The following PHTF1 variants were observed in gnomAD, a reference collection of about 807,000 sequenced individuals.
PHTF1 encodes the protein putative homeodomain transcription factor 1.
Under a neutral mutation model 102.4 loss-of-function variants are expected in PHTF1, and 88 were observed. The observed-to-expected ratio is 0.86, with a 90% CI of 0.72 to 1.03. The LOEUF (loss-of-function observed/expected upper bound fraction) is 1.03, where lower values mean the gene tolerates loss of function less well. Among genes scored for constraint, PHTF1 ranks in the 50% least tolerant of loss-of-function variants. PHTF1 has a pLI of 0.00. For synonymous variants in PHTF1, 289 were observed against 305.2 expected (o/e 0.95, Z 0.55); for missense variants, 814 against 909.5 (o/e 0.89, Z 1.35).
rs1012531378 is a variant in PHTF1, at chr1:113,698,255, T to C, written c.2268+7A>G. 1.2e-6 allele frequency: 2 copies of C among 1,600,662 alleles called. No individual in the cohort carries two copies. The highest frequency in any genetic ancestry group is 1.3e-5 in the African/African-American group (1 of 74,648). On this transcript the variant is annotated splice_region_variant and intron_variant, in intron 18 of 18. Coordinates refer to ENST00000369604, the MANE Select transcript of PHTF1 (RefSeq NM_001323043.2). ...CTAGGATGCTACAGAGTGGTGGTGATACTTACTCTTATATTAAATCCTAGA... is the reference window on the plus strand; with the variant it reads ...CTAGGATGCTACAGAGTGGTGGTGACACTTACTCTTATATTAAATCCTAGA...
At chr1:113,749,610 T>TA (rs1657720387) in intron 3 of PHTF1, 1 of 152,206 alleles carries the variant, frequency 6.6e-6, no homozygotes, top group Middle Eastern at 3.2e-3. Flanking sequence ...AAGATAAGGG[T>TA]AACTATGTGG....
chr1:113,700,260 A>AG (rs1649297323), intron 16 of PHTF1: 1 of 629,520 alleles, frequency 1.6e-6, no homozygotes, highest in Admixed American at 6.3e-5. Flanking sequence ...CAAAAAAAAA[A>AG]CAGAAACGAA....
At chr1:113,754,245 T>C (rs1658524727) in intron 3 of PHTF1, among the ~76,000 whole-genome samples, 1 of 152,086 alleles carries the variant, frequency 6.6e-6, no homozygotes. Flanking sequence ...ACCTTGTCTC[T>C]ACAAAAAATT....
intron 7 of PHTF1, among the ~76,000 whole-genome samples, chr1:113,715,485 C>T (rs938622669): frequency 2.6e-5 from 4 of 151,302 alleles, no homozygotes; most frequent in Non-Finnish European, 5.9e-5. Flanking sequence ...GGCAAAACCT[C>T]GTCTTTACAA....
At chr1:113,698,914 C>T (rs999761937) in intron 17 of PHTF1, 1 of 160,600 alleles carries the variant, frequency 6.2e-6, no homozygotes, top group African/African-American at 2.4e-5. Flanking sequence ...GGGTCCTCTA[C>T]ATGGAGAGTC....
chr1:113,719,783 T>C (rs1225660077), intron 7 of PHTF1, among the ~76,000 whole-genome samples: 1 of 152,186 alleles, frequency 6.6e-6, no homozygotes, highest in Non-Finnish European at 1.5e-5. Flanking sequence ...CACCCCACTC[T>C]ACTGGTACCA....
intron 7 of PHTF1, among the ~76,000 whole-genome samples, chr1:113,719,120 C>A (rs997901989): frequency 3.9e-5 from 6 of 152,104 alleles, no homozygotes; most frequent in African/African-American, 1.4e-4. Flanking sequence ...CCTGCCTCAG[C>A]CTCCCAGGTA....
chr1:113,748,951 G>C (rs1657620531), intron 3 of PHTF1, among the ~76,000 whole-genome samples: 1 of 152,110 alleles, frequency 6.6e-6, no homozygotes, highest in Non-Finnish European at 1.5e-5. Flanking sequence ...TATTCAGTGT[G>C]TACAACATAT....
chr1:113,734,071 T>C (rs1027914783), intron 5 of PHTF1, among the ~76,000 whole-genome samples: 9 of 151,932 alleles, frequency 5.9e-5, no homozygotes, highest in African/African-American at 1.7e-4. Context: ...ACCAGCCTGG[T>C]CAACATGATG....
chr1:113,755,360 A>C (rs1040438436), intron 3 of PHTF1, among the ~76,000 whole-genome samples: 9 of 152,316 alleles, frequency 5.9e-5, no homozygotes, highest in African/African-American at 1.9e-4. Flanking sequence ...GAAGGCAACA[A>C]TCACATCTAT....
intron 10 of PHTF1, among the ~76,000 whole-genome samples, chr1:113,711,520 C>A (rs1442924962): frequency 6.6e-6 from 1 of 152,054 alleles, no homozygotes; most frequent in Non-Finnish European, 1.5e-5. Context: ...TAACCTCCTG[C>A]TGGGCATCAT....
intron 7 of PHTF1, among the ~76,000 whole-genome samples, chr1:113,721,120 T>C (rs924045809): frequency 9.9e-5 from 15 of 151,648 alleles, no homozygotes; most frequent in Admixed American, 6.6e-5. Context: ...TTAGTAACAA[T>C]AAGATAAAAT....
chr1:113,750,467 A>G (rs1657885892), intron 3 of PHTF1, among the ~76,000 whole-genome samples: 1 of 152,186 alleles, frequency 6.6e-6, no homozygotes, highest in Non-Finnish European at 1.5e-5. Flanking sequence ...ATTAATTTTT[A>G]AAAATAAAAC....
chr1:113,715,847 A>C (rs546464344), intron 7 of PHTF1, among the ~76,000 whole-genome samples: 1 of 151,392 alleles, frequency 6.6e-6, no homozygotes, highest in African/African-American at 2.4e-5. Flanking sequence ...AGAGTCTCTT[A>C]ACAGCAGAAT....
At chr1:113,750,575 G>C (rs1468264024) in intron 3 of PHTF1, among the ~76,000 whole-genome samples, 4 of 152,172 alleles carry the variant, frequency 2.6e-5, no homozygotes, top group African/African-American at 9.6e-5. Context: ...AGTAGTAAAA[G>C]GGGCCAGGCG....
Position 113,758,811 on chromosome 1 carries a change from G to A in PHTF1, c.-30-78C>T, listed in dbSNP as rs899631887. The A allele has an allele frequency of 6.0e-6, 9 of 1,488,772 alleles. No individual in the cohort carries two copies. In the African/African-American group the frequency reaches 1.1e-4, roughly 19 times the overall value. The allele number at this position is 1,488,772 out of a possible 1,614,324, so 92.2% of individuals were successfully genotyped here. A position where few individuals can be genotyped will look rare whatever the true frequency, so the allele number is the denominator to read the frequency against. On this transcript the variant is annotated intron_variant, in intron 1 of 18. Transcript: ENST00000369604. Reference sequence around the variant, plus strand: ...CCAGTTTGGGTAGGACGCGAAAACCGCTTCTCTCAGCCTCTCCATGAGCTG... The same window carrying A: ...CCAGTTTGGGTAGGACGCGAAAACCACTTCTCTCAGCCTCTCCATGAGCTG...
intron 5 of PHTF1, among the ~76,000 whole-genome samples, chr1:113,733,186 G>A (rs1343531984): frequency 6.9e-6 from 1 of 144,944 alleles, no homozygotes; most frequent in East Asian, 2.0e-4. Flanking sequence ...ACAGGCTTGA[G>A]CCACTGCCCC....
intron 14 of PHTF1, 69 bp downstream of exon 14, chr1:113,704,597 T>C: frequency 8.7e-7 from 1 of 1,154,188 alleles, no homozygotes; most frequent in East Asian, 2.4e-5. Flanking sequence ...GTCTACTGAG[T>C]AACTGCTGCC....
chr1:113,752,030 A>G lies in PHTF1; in HGVS notation c.102+5669T>C, dbSNP rs1658163943. 5.3e-5 allele frequency among the ~76,000 whole-genome samples: 8 copies of G among 152,370 alleles called. No homozygotes were observed. In the South Asian group the frequency reaches 1.5e-3, roughly 28 times the overall value. Reference sequence around the variant, plus strand: ...CATATATTTGAGAATTAGCTCATCAATCTCTACCAAAAACAAACTTCTGCT... The same window carrying G: ...CATATATTTGAGAATTAGCTCATCAGTCTCTACCAAAAACAAACTTCTGCT... On this transcript the variant is annotated intron_variant, in intron 3 of 18. Coordinates refer to ENST00000369604, the MANE Select transcript of PHTF1 (RefSeq NM_001323043.2).
Sources: gnomAD v4.1 joint callset for allele counts (sites outside exome capture counted in the v4.1 genomes callset) on GRCh38, gnomAD v4.1.1 for gene constraint, MANE v1.5 for transcripts, NCBI Gene and HGNC (gene_info 2026-07-23, HGNC 2026-07-21) for gene names.